GRIP2: variants seen among roughly 807,000 people sequenced by gnomAD.
GRIP2 encodes the protein glutamate receptor interacting protein 2, also known as glutamate receptor-interacting protein 2.
GRIP2 carries 58 observed loss-of-function variants against 108.3 expected under a neutral mutation model. The ratio of observed to expected loss-of-function variants is 0.54; its 90% CI spans 0.43 to 0.67. The LOEUF (loss-of-function observed/expected upper bound fraction) is 0.67, where lower values mean the gene tolerates loss of function less well. Ranked by LOEUF, GRIP2 falls within the 30% of genes least tolerant of loss-of-function variation. GRIP2 has a pLI of 0.00. For missense variants in GRIP2, 1,278 were observed against 1,430.6 expected (o/e 0.89, Z 1.72); for synonymous variants, 586 against 598.2 (o/e 0.98, Z 0.30).
At chr3:14,542,161 T>A (rs886903523), upstream of GRIP2, 17 of 1,002,892 alleles carry the variant, frequency 1.7e-5, no homozygotes, top group Admixed American at 1.0e-4. Flanking sequence ...TTATTTTTTT[T>A]ATTTTTTTTT....
At chr3:14,563,255 T>A in the GRIP2 span, among the ~76,000 whole-genome samples, 1 of 152,186 alleles carries the variant, frequency 6.6e-6, no homozygotes, top group Non-Finnish European at 1.5e-5. Context: ...AAAGTCTTTA[T>A]CTGTGGAGAT....
chr3:14,542,912 C>T (rs185965580), upstream of GRIP2, among the ~76,000 whole-genome samples: 1 of 152,346 alleles, frequency 6.6e-6, no homozygotes, highest in African/African-American at 2.4e-5. Flanking sequence ...CTCAGGAGGC[C>T]TGGCACCAGC....
chr3:14,579,860 T>A, the GRIP2 span, among the ~76,000 whole-genome samples: 10 of 152,280 alleles, frequency 6.6e-5, no homozygotes, highest in African/African-American at 2.4e-4. Flanking sequence ...CTCACAGCAC[T>A]GCAGCAGCAG....
the GRIP2 span, among the ~76,000 whole-genome samples, chr3:14,585,977 T>C: frequency 9.9e-5 from 15 of 152,202 alleles, no homozygotes; most frequent in African/African-American, 2.4e-4. Context: ...ATTCCTTCCA[T>C]TGGCCTGGCA....
At chr3:14,547,787 G>A (rs927771681) in intron 1 of GRIP2, among the ~76,000 whole-genome samples, 13 of 152,262 alleles carry the variant, frequency 8.5e-5, no homozygotes, top group South Asian at 4.1e-4. Flanking sequence ...CAAAGCTATT[G>A]GGGCTCAGCT....
rs1343148351 is a variant in GRIP2, at chr3:14,516,498, C to A, written c.1306+566G>T. On this transcript the variant is annotated intron_variant, in intron 11 of 23. Coordinates refer to ENST00000621039, the MANE Select transcript of GRIP2 (RefSeq NM_001080423.4). ...TCCACAGGGCTCCTGCCTTATCATTCACTACTTTTGTCTTCTATTGATTTA... is the reference window on the plus strand; with the variant it reads ...TCCACAGGGCTCCTGCCTTATCATTAACTACTTTTGTCTTCTATTGATTTA... Among the ~76,000 whole-genome samples, 2 of 152,230 alleles carry A rather than the reference C, an allele frequency of 1.3e-5. 1 individual carries two copies. The highest frequency in any genetic ancestry group is 4.1e-4 in the South Asian group (2 of 4,822).
chr3:14,575,636 C>A, the GRIP2 span, among the ~76,000 whole-genome samples: 2 of 152,262 alleles, frequency 1.3e-5, no homozygotes, highest in East Asian at 3.8e-4. Flanking sequence ...GAGCTCGTCA[C>A]TAGTCACTGG....
chr3:14,573,478 G>A, the GRIP2 span: 1 of 1,543,680 alleles, frequency 6.5e-7, no homozygotes, highest in Non-Finnish European at 8.9e-7. Context: ...GGCACCTCAG[G>A]GTTGAGGAAA....
chr3:14,553,957 C>T (rs1695193631), intron 1 of GRIP2, among the ~76,000 whole-genome samples: 1 of 152,110 alleles, frequency 6.6e-6, no homozygotes, highest in African/African-American at 2.4e-5. Context: ...CCAGGTTGAG[C>T]CCTCCTTTTT....
the GRIP2 span, among the ~76,000 whole-genome samples, chr3:14,575,480 G>C: frequency 6.6e-6 from 1 of 152,186 alleles, no homozygotes; most frequent in Non-Finnish European, 1.5e-5. Context: ...TGGTAACTGA[G>C]GTGGGGGCCC....
At position 14,534,703 on chromosome 3, in the gene GRIP2, G is replaced by C. The variant is rs937723242; in HGVS notation, c.40+5566C>G. ...GGAGGAGGGACAGAGGGAGAAACGT[G>C]CTTGGAGCTCAGACCTGTGCACCTG... is the stretch of plus-strand genomic sequence containing the variant. On this transcript the variant is annotated intron_variant, in intron 1 of 23. Coordinates refer to ENST00000621039, the MANE Select transcript of GRIP2 (RefSeq NM_001080423.4). 2.0e-5 allele frequency among the ~76,000 whole-genome samples: 3 copies of C among 152,180 alleles called. No individual in the cohort carries two copies. The South Asian group carries it at 6.2e-4, about 32-fold the overall frequency.
chr3:14,554,952 G>T (rs950022574), intron 1 of GRIP2, among the ~76,000 whole-genome samples: 4 of 152,230 alleles, frequency 2.6e-5, no homozygotes, highest in Admixed American at 2.6e-4. Context: ...GATGATTCTT[G>T]CTCCTCAGCC....
In GRIP2 at chr3:14,492,006, T is replaced by C. The variant is rs999988666; in HGVS notation, c.*1659A>G. The C allele has an allele frequency of 5.9e-5, 9 of 151,770 alleles. No homozygotes were observed. Among genetic ancestry groups the C allele is most frequent in the African/African-American group, 2.2e-4 (9 of 41,224 alleles). 9.4% of individuals were successfully genotyped at this position (151,770 alleles called of 1,614,324 possible). On this transcript the variant is annotated 3_prime_UTR_variant, in exon 24 of 24. Transcript: ENST00000621039. ...CACCAAGGGGCAGAGCCCAGCGAAG[T>C]GGAGGGGAGGGGTAAGGGAGGCAGG...
the GRIP2 span, chr3:14,574,675 A>C: frequency 1.6e-6 from 1 of 631,244 alleles, no homozygotes; most frequent in Non-Finnish European, 3.0e-6. Context: ...TCCGCCAGAA[A>C]GCTGGCTGGA....
chr3:14,520,031 G>A, intron 9 of GRIP2, 79 bp downstream of exon 9: 1 of 1,371,310 alleles, frequency 7.3e-7, no homozygotes, highest in African/African-American at 1.5e-5. Context: ...CTCCCAGCCT[G>A]CCCAGGGCTC....
chr3:14,511,610 T>C lies in GRIP2; in HGVS notation c.1721-131A>G, dbSNP rs1694096004. 3 of 834,992 alleles carry C rather than the reference T, an allele frequency of 3.6e-6. No individual in the cohort carries two copies. The highest frequency in any genetic ancestry group is 2.6e-5 in the East Asian group (1 of 37,854). 51.7% of individuals were successfully genotyped at this position (834,992 alleles called of 1,614,324 possible). A position where few individuals can be genotyped will look rare whatever the true frequency, so the allele number is the denominator to read the frequency against. On this transcript the variant is annotated intron_variant, in intron 14 of 23. Coordinates refer to ENST00000621039, the MANE Select transcript of GRIP2 (RefSeq NM_001080423.4). This position sits in a 1 kb window ranked among gnomAD's most constrained non-coding sequence, Gnocchi z 4.1. ...CATCCTGGTCCCACTGCTTCCTGGC[T>C]GGGTGACCGTGAGCAAATCAGCTCA...
the GRIP2 span, chr3:14,602,024 T>A: frequency 6.6e-6 from 1 of 152,276 alleles, no homozygotes; most frequent in Non-Finnish European, 1.5e-5. This position sits in a 1 kb window ranked among gnomAD's most constrained non-coding sequence, Gnocchi z 4.7. Context: ...AAGGGGGTGA[T>A]TGTGAAGGTC....
chr3:14,495,389 TTTG>T (rs986263527), intron 22 of GRIP2, among the ~76,000 whole-genome samples: 5 of 152,040 alleles, frequency 3.3e-5, no homozygotes, highest in African/African-American at 1.2e-4. Flanking sequence ...CCATATCTTT[TTTG>T]TTGTTGTTGT....
chr3:14,493,492 T>G lies in GRIP2; in HGVS notation c.*173A>C. On this transcript the variant is annotated 3_prime_UTR_variant, in exon 24 of 24. Coordinates refer to ENST00000621039, the MANE Select transcript of GRIP2 (RefSeq NM_001080423.4). Reference sequence around the variant, plus strand: ...CCAACTAGGGCAGGACCTCCCTGCCTGGCACCCCAGTCACCACAGACCTGG... The same window carrying G: ...CCAACTAGGGCAGGACCTCCCTGCCGGGCACCCCAGTCACCACAGACCTGG... The G allele has an allele frequency of 2.5e-6, 2 of 797,296 alleles. No individual in the cohort carries two copies. Among genetic ancestry groups the G allele is most frequent in the Non-Finnish European group, 3.8e-6 (2 of 531,026 alleles). The allele number at this position is 797,296 out of a possible 1,614,324, so 49.4% of individuals were successfully genotyped here.
Sources: gnomAD v4.1 joint callset for allele counts (sites outside exome capture counted in the v4.1 genomes callset) on GRCh38, gnomAD v4.1.1 for gene constraint, Gnocchi (gnomAD v3.1) non-coding constraint, MANE v1.5 for transcripts, NCBI Gene and HGNC (gene_info 2026-07-23, HGNC 2026-07-21) for gene names.